KAZN: variants seen among roughly 807,000 people sequenced by gnomAD.
KAZN encodes kazrin.
A neutral mutation model predicts 87.4 loss-of-function variants in KAZN; 40 were observed. The observed-to-expected ratio is 0.46, with a 90% CI of 0.36 to 0.60. KAZN has a LOEUF of 0.60. KAZN is among the 20% of genes least tolerant of loss of function. The pLI, the probability that KAZN is intolerant of heterozygous loss-of-function variation, is 0.00. For missense variants in KAZN, 898 were observed against 1,073.9 expected (o/e 0.84, Z 2.29); for synonymous variants, 466 against 458.3 (o/e 1.02, Z -0.22).
intron 2 of KAZN, among the ~76,000 whole-genome samples, chr1:14,965,996 T>TA (rs1664417739): frequency 6.6e-6 from 1 of 150,714 alleles, no homozygotes; most frequent in Non-Finnish European, 1.5e-5. Context: ...TTTTTTTTTT[T>TA]TTTGAGATAG....
At chr1:14,652,983 T>C (rs968404064) in intron 1 of KAZN, among the ~76,000 whole-genome samples, 2 of 152,058 alleles carry the variant, frequency 1.3e-5, no homozygotes, top group African/African-American at 4.8e-5. Flanking sequence ...CTAAATGTAA[T>C]ATGTCAAGCT....
At chr1:14,060,586 T>C (rs1642757075) in intron 1 of KAZN, among the ~76,000 whole-genome samples, 1 of 152,194 alleles carries the variant, frequency 6.6e-6, no homozygotes, top group East Asian at 1.9e-4. Context: ...GCAGGGACAA[T>C]GTCCCCTGAC....
chr1:14,703,871 T>A (rs12076650), intron 1 of KAZN, among the ~76,000 whole-genome samples: 3,434 of 152,230 alleles, frequency 0.023, 143 homozygotes, highest in African/African-American at 0.079. Flanking sequence ...CTCCAGCCTG[T>A]GAGACTTTGT....
At chr1:14,021,271 T>C (rs532406691) in intron 1 of KAZN, among the ~76,000 whole-genome samples, 2 of 152,290 alleles carry the variant, frequency 1.3e-5, no homozygotes, top group South Asian at 4.1e-4. Context: ...TCCTCCCCAG[T>C]TGAGAACCAT....
chr1:14,203,258 T>C (rs1158401594), intron 2 of KAZN, among the ~76,000 whole-genome samples: 10 of 152,104 alleles, frequency 6.6e-5, no homozygotes, highest in Non-Finnish European at 1.3e-4. Context: ...ATATCCAGTG[T>C]CTGCATACAG....
intron 2 of KAZN, among the ~76,000 whole-genome samples, chr1:14,961,427 A>G (rs907709573): frequency 3.9e-5 from 6 of 152,138 alleles, no homozygotes; most frequent in African/African-American, 1.4e-4. Context: ...TCAGCCAGAA[A>G]TTGCTTTAGG....
At chr1:15,110,179 G>A (rs980507810) in intron 13 of KAZN, among the ~76,000 whole-genome samples, 1 of 105,810 alleles carries the variant, frequency 9.5e-6, no homozygotes, top group Admixed American at 1.1e-4. Flanking sequence ...GTGTGTATAT[G>A]TGTGTTGTGT....
rs930285565 is a variant in KAZN, at chr1:14,885,254, G to A, written c.227-75430G>A. On this transcript the variant is annotated intron_variant, in intron 1 of 14. Transcript: ENST00000376030. ...GGTGGCTCGCCCCCATCCTTCTTTC[G>A]TGGCCCAGCTCCCCCTAGCCACTCC... 6.6e-5 allele frequency among the ~76,000 whole-genome samples: 10 copies of A among 151,948 alleles called. No individual in the cohort carries two copies. The South Asian group carries it at 8.3e-4, about 13-fold the overall frequency.
intron 1 of KAZN, among the ~76,000 whole-genome samples, chr1:14,708,640 A>G (rs1052815583): frequency 1.4e-4 from 21 of 152,336 alleles, no homozygotes; most frequent in African/African-American, 5.0e-4. Context: ...ACAGAGGCCC[A>G]CAGCTCTGCT....
At chr1:14,829,377 C>T (rs973486572) in intron 1 of KAZN, among the ~76,000 whole-genome samples, 6 of 152,180 alleles carry the variant, frequency 3.9e-5, no homozygotes, top group Admixed American at 3.3e-4. Context: ...AACACAGGAA[C>T]TTTCTCGGGA....
chr1:14,986,768 G>T (rs1666865460), intron 2 of KAZN, among the ~76,000 whole-genome samples: 1 of 152,182 alleles, frequency 6.6e-6, no homozygotes, highest in South Asian at 2.1e-4. Context: ...GGACTCTGTT[G>T]GAGCTCTGAC....
At chr1:14,304,709 AC>A in intron 2 of KAZN, 1 of 398,154 alleles carries the variant, frequency 2.5e-6, no homozygotes. Context: ...GTTTCGTATA[AC>A]CACTCGAAAT....
chr1:14,918,744 A>G (rs1159762960), intron 1 of KAZN, among the ~76,000 whole-genome samples: 1 of 127,856 alleles, frequency 7.8e-6, no homozygotes, highest in Non-Finnish European at 1.6e-5. Context: ...ATATATATAT[A>G]TATATCCTGG....
chr1:15,058,073 G>T (rs971057934), intron 5 of KAZN, among the ~76,000 whole-genome samples: 25 of 152,294 alleles, frequency 1.6e-4, no homozygotes, highest in East Asian at 1.9e-4. Context: ...TGTCCTCTAT[G>T]CTCCTGTAAA....
intron 1 of KAZN, among the ~76,000 whole-genome samples, chr1:14,890,878 C>T (rs1377725904): frequency 2.3e-5 from 3 of 129,484 alleles, no homozygotes; most frequent in African/African-American, 5.8e-5. Context: ...CAGTCTCGCT[C>T]TGTCGCCCAG....
chr1:14,918,006 G>A (rs1273937211), intron 1 of KAZN, among the ~76,000 whole-genome samples: 4 of 152,062 alleles, frequency 2.6e-5, no homozygotes, highest in Admixed American at 6.6e-5. Flanking sequence ...AGCCTCCCGA[G>A]TAGCTGGGAT....
intron 1 of KAZN, among the ~76,000 whole-genome samples, chr1:14,919,566 A>G (rs1221087313): frequency 6.6e-6 from 1 of 152,238 alleles, no homozygotes; most frequent in Admixed American, 6.5e-5. Context: ...ACCAGGAGTT[A>G]CAAAACTATG....
Position 14,201,415 on chromosome 1 carries a change from A to G in KAZN, c.249+20823A>G, listed in dbSNP as rs1571001554. On this transcript the variant is annotated intron_variant, in intron 2 of 16. Transcript: ENST00000636203. ...GCATCGGACAGTCCCTGTGTCTCCA[A>G]TGACATAGCTGACTGGCACTGGGCC... Among the ~76,000 whole-genome samples, 3 of 152,296 alleles carry G rather than the reference A, an allele frequency of 2.0e-5. No homozygotes were observed. In the South Asian group the frequency reaches 6.2e-4, roughly 32 times the overall value.
At chr1:14,408,258 G>A (rs552354572) in intron 2 of KAZN, among the ~76,000 whole-genome samples, 1 of 152,330 alleles carries the variant, frequency 6.6e-6, no homozygotes, top group East Asian at 1.9e-4. Flanking sequence ...AGCCAAGAGG[G>A]ATGTATCTTT....
Sources: gnomAD v4.1 joint callset for allele counts (sites outside exome capture counted in the v4.1 genomes callset) on GRCh38, gnomAD v4.1.1 for gene constraint, MANE v1.5 for transcripts, NCBI Gene and HGNC (gene_info 2026-07-23, HGNC 2026-07-21) for gene names.